Variants in SOAT1 observed in about 807,000 individuals in gnomAD.
SOAT1 encodes acyl-coenzyme A:cholesterol acyltransferase 1.
Under a neutral mutation model 69.5 loss-of-function variants are expected in SOAT1, and 55 were observed. The observed-to-expected ratio is 0.79, with a 90% confidence interval of 0.64 to 0.99. The LOEUF is 0.99. Ranked by LOEUF, SOAT1 falls within the 50% of genes least tolerant of loss-of-function variation. The pLI, the probability that SOAT1 is intolerant of heterozygous loss-of-function variation, is 0.00. For missense variants in SOAT1, 580 were observed against 669.3 expected, an observed-to-expected ratio of 0.87 and a Z score of 1.47; for synonymous variants, 231 against 224.7, an observed-to-expected ratio of 1.03 and a Z score of -0.25.
chr1:179,294,130 C>G (rs1664547771), intron 1 of SOAT1, among the ~76,000 whole-genome samples, 194 bp downstream of exon 1: 1 of 152,318 alleles, frequency 6.6e-6, no homozygotes, highest in South Asian at 2.1e-4. Flanking sequence ...GTCAGGCGCC[C>G]GGGTCACGGG....
intron 14 of SOAT1, 53 bp from the exon 15 acceptor site, chr1:179,351,264 G>C: frequency 6.4e-7 from 1 of 1,551,978 alleles, no homozygotes; most frequent in Non-Finnish European, 8.9e-7. Flanking sequence ...GGCTGGTCTC[G>C]AACTTCTGAC....
intron 15 of SOAT1, among the ~76,000 whole-genome samples, chr1:179,352,417 A>G (rs1666770222): frequency 6.6e-6 from 1 of 152,046 alleles, no homozygotes; most frequent in Admixed American, 6.6e-5. Flanking sequence ...TGATGGAAAC[A>G]CCCTAAGAAG....
Position 179,341,461 on chromosome 1 carries a change from C to T in SOAT1, c.780+151C>T, listed in dbSNP as rs1666335840. On this transcript the variant is annotated intron_variant, in intron 7 of 15. Transcript: ENST00000367619. ...TGCCATTATCTGTAAAATTGTTAAA[C>T]TAGAATCATCTCACCTCTTAAGTTT... 1.1e-5 allele frequency: 8 copies of T among 744,884 alleles called. No individual in the cohort carries two copies. The South Asian group carries it at 1.6e-4, about 15-fold the overall frequency. 46.1% of individuals were successfully genotyped at this position (744,884 alleles called of 1,614,324 possible). A position where few individuals can be genotyped will look rare whatever the true frequency, so the allele number is the denominator to read the frequency against.
At chr1:179,309,362 G>A (rs1027586714) in intron 2 of SOAT1, among the ~76,000 whole-genome samples, 2 of 152,074 alleles carry the variant, frequency 1.3e-5, no homozygotes, top group Admixed American at 6.6e-5. Flanking sequence ...GATTACAGGC[G>A]TGAGCCACTG....
At chr1:179,351,019 TTC>T (rs1666706235) in intron 14 of SOAT1, among the ~76,000 whole-genome samples, 2 of 27,508 alleles carry the variant, frequency 7.3e-5, no homozygotes, top group African/African-American at 1.5e-4. Context: ...GTATATTTCT[TTC>T]TTTTTTTTTT....
intron 11 of SOAT1, 33 bp downstream of exon 11, chr1:179,345,109 TA>T (rs1298499725): frequency 1.2e-6 from 2 of 1,609,048 alleles, no homozygotes; most frequent in African/African-American, 2.7e-5. Context: ...TGGTCATGCA[TA>T]AATTCACGAG....
In SOAT1 at chr1:179,354,125, A is replaced by G. The variant is rs1666836510; in HGVS notation, c.*484A>G. 1 of 152,952 alleles carries G rather than the reference A, an allele frequency of 6.5e-6. No individual in the cohort carries two copies. The highest frequency in any genetic ancestry group is 2.4e-5 in the African/African-American group (1 of 41,584). 9.5% of individuals were successfully genotyped at this position (152,952 alleles called of 1,614,324 possible). On this transcript the variant is annotated 3_prime_UTR_variant, in exon 16 of 16. Coordinates refer to ENST00000367619, the MANE Select transcript of SOAT1 (RefSeq NM_003101.6). ...ATTGGGGAAGAAAAAATGTAGAATG[A>G]TTTTTGCTATTTCTAGTAGAAAGAA...
chr1:179,313,625 C>A lies in SOAT1; in HGVS notation c.119-9812C>A, dbSNP rs188010439. On this transcript the variant is annotated intron_variant, in intron 2 of 15. Transcript: ENST00000367619. ...TTTAGACAGAGTTTTGCTTTTGTTGCCCAGGCTGGAGTGCAATGGTGCTAT... is the reference window on the plus strand; with the variant it reads ...TTTAGACAGAGTTTTGCTTTTGTTGACCAGGCTGGAGTGCAATGGTGCTAT... Among the ~76,000 whole-genome samples, 280 of 151,330 alleles carry A rather than the reference C, an allele frequency of 1.9e-3. 3 individuals are homozygous for A. Among genetic ancestry groups the A allele is most frequent in the African/African-American group, 6.3e-3 (259 of 41,244 alleles).
At chr1:179,332,146 T>C (rs1343149915) in intron 3 of SOAT1, among the ~76,000 whole-genome samples, 1 of 152,220 alleles carries the variant, frequency 6.6e-6, no homozygotes, top group African/African-American at 2.4e-5. Context: ...CTTTTTTCAT[T>C]GTAATACTCA....
intron 3 of SOAT1, among the ~76,000 whole-genome samples, chr1:179,328,484 A>G (rs1459230464): frequency 6.6e-6 from 1 of 152,208 alleles, no homozygotes; most frequent in Non-Finnish European, 1.5e-5. Flanking sequence ...AGAACCTCAG[A>G]TTTATTATAA....
chr1:179,309,592 A>C (rs1306116196), intron 2 of SOAT1, among the ~76,000 whole-genome samples: 2 of 152,104 alleles, frequency 1.3e-5, no homozygotes, highest in African/African-American at 2.4e-5. Context: ...ATTTGTTCTC[A>C]TGAATTTTAA....
chr1:179,321,318 T>C (rs1665592599), intron 2 of SOAT1, among the ~76,000 whole-genome samples: 1 of 152,132 alleles, frequency 6.6e-6, no homozygotes, highest in African/African-American at 2.4e-5. Flanking sequence ...TGAGACTTTC[T>C]TTTGAACCAT....
intron 2 of SOAT1, among the ~76,000 whole-genome samples, chr1:179,304,334 A>G (rs967874251): frequency 5.3e-5 from 8 of 149,678 alleles, no homozygotes; most frequent in African/African-American, 9.9e-5. Context: ...GTGGAGTGCA[A>G]TGGTGCGATA....
In SOAT1 at chr1:179,293,827, C is replaced by T. The variant is rs1199596365; in HGVS notation, c.-118C>T. On this transcript the variant is annotated 5_prime_UTR_variant, in exon 1 of 16. Coordinates refer to ENST00000367619, the MANE Select transcript of SOAT1 (RefSeq NM_003101.6). ...AGCTTAGCAGGCGACGTTGCGGGCC[C>T]TGGGCGCCAGGAGAGCTTCCCGGAG... 6.6e-6 allele frequency: 1 copy of T among 152,410 alleles called. No homozygotes were observed. The highest frequency in any genetic ancestry group is 2.4e-5 in the African/African-American group (1 of 41,462). The allele number at this position is 152,410 out of a possible 1,614,324, so 9.4% of individuals were successfully genotyped here.
chr1:179,312,252 A>G (rs545668730), intron 2 of SOAT1, among the ~76,000 whole-genome samples: 8 of 152,270 alleles, frequency 5.3e-5, no homozygotes, highest in South Asian at 4.1e-4. Context: ...GCGCATGGCA[A>G]TTTGGAATCA....
chr1:179,340,905 C>A, intron 6 of SOAT1, 123 bp from the exon 7 acceptor site: 1 of 769,514 alleles, frequency 1.3e-6, no homozygotes, highest in Non-Finnish European at 2.1e-6. Flanking sequence ...ATGACTTCAG[C>A]GTATTAACGT....
At chr1:179,321,464 A>G (rs1453067066) in intron 2 of SOAT1, among the ~76,000 whole-genome samples, 1 of 152,220 alleles carries the variant, frequency 6.6e-6, no homozygotes, top group Non-Finnish European at 1.5e-5. Flanking sequence ...GGCACCATGC[A>G]TAGCCTGAAC....
intron 2 of SOAT1, among the ~76,000 whole-genome samples, chr1:179,311,116 T>G (rs1665206426): frequency 6.6e-6 from 1 of 152,208 alleles, no homozygotes; most frequent in Admixed American, 6.5e-5. Flanking sequence ...TTATAATCCA[T>G]GCACTTTGAG....
intron 2 of SOAT1, among the ~76,000 whole-genome samples, chr1:179,320,348 G>A (rs974129573): frequency 3.3e-5 from 5 of 152,016 alleles, no homozygotes; most frequent in African/African-American, 1.2e-4. Flanking sequence ...TAATCATAAA[G>A]GTGAATGTTT....
Sources: allele counts gnomAD v4.1 joint callset (sites outside exome capture counted in the v4.1 genomes callset), GRCh38; gene constraint gnomAD v4.1.1; transcripts MANE v1.5; gene names NCBI Gene and HGNC (gene_info 2026-07-23, HGNC 2026-07-21).